ZNF25: variants seen among roughly 807,000 people sequenced by gnomAD.
The protein encoded by ZNF25 is zinc finger protein 25 (KOX 19).
In ZNF25, 21 loss-of-function variants were observed where a neutral mutation model predicts 30.9. The ratio of observed to expected loss-of-function variants is 0.68; its 90% CI spans 0.48 to 0.98. The LOEUF (loss-of-function observed/expected upper bound fraction) is 0.98. Among genes scored for constraint, ZNF25 ranks in the 50% least tolerant of loss-of-function variants. The pLI is 0.00. For synonymous variants in ZNF25, 169 were observed against 181.3 expected (o/e 0.93, Z 0.55); for missense variants, 501 against 529.9 (o/e 0.95, Z 0.54).
At position 37,952,373 on chromosome 10, in the gene ZNF25, A is replaced by T; in HGVS notation, c.1125T>A (p.Cys375Ter). ...CTGAATTCACAGCAAAAGATTTGCC[A>T]CATTCTGTGCATTCATAGGGCTTCT... ...TGEKPYECTE[C>*]GKSFAVNSVL... Residue 375 changes from cysteine (C) to a stop codon, truncating the protein, a stop_gained, in exon 6 of 6, where the codon TGT (cysteine) becomes TGA (stop). Transcript: ENST00000302609. LOFTEE classifies it low-confidence loss of function (END_TRUNC). 1 of 1,614,082 alleles carries T rather than the reference A, an allele frequency of 6.2e-7. No homozygotes were observed. The highest frequency in any genetic ancestry group is 8.5e-7 in the Non-Finnish European group (1 of 1,179,980).
At chr10:37,953,447 T>C (rs1590183582) in intron 5 of ZNF25, 7 of 607,304 alleles carry the variant, frequency 1.2e-5, no homozygotes, top group East Asian at 1.1e-4. Flanking sequence ...CTATTTTGTG[T>C]AATAGAGACT....
chr10:37,953,360 C>T (rs2062299920), intron 5 of ZNF25, 165 bp from the exon 6 acceptor site: 2 of 672,956 alleles, frequency 3.0e-6, no homozygotes, highest in Non-Finnish European at 4.9e-6. Flanking sequence ...ATTCTCTGAC[C>T]TGCACTGTAG....
At chr10:37,968,338 G>A (rs1350064895) in intron 2 of ZNF25, among the ~76,000 whole-genome samples, 2 of 151,100 alleles carry the variant, frequency 1.3e-5, no homozygotes, top group Non-Finnish European at 2.9e-5. Context: ...TTACAGGCAT[G>A]AGCCACTGCA....
chr10:37,950,435 A>C lies in ZNF25; in HGVS notation c.*1692T>G, dbSNP rs1195966875. The stretch of plus-strand genomic sequence containing the variant: ...GGCCAGATCTGTCTGATGGACTGTC[A>C]TTTGTCAAACCCTGACTTAGTGTAG... On this transcript the variant is annotated 3_prime_UTR_variant, in exon 6 of 6. Coordinates refer to ENST00000302609, the MANE Select transcript of ZNF25 (RefSeq NM_145011.4). The C allele has an allele frequency of 2.6e-5, 4 of 152,608 alleles. No homozygotes were observed. The highest frequency in any genetic ancestry group is 5.9e-5 in the Non-Finnish European group (4 of 68,040). The allele number at this position is 152,608 out of a possible 1,614,324, so 9.5% of individuals were successfully genotyped here.
intron 3 of ZNF25, 96 bp from the exon 4 acceptor site, chr10:37,957,211 T>C: frequency 7.3e-7 from 1 of 1,375,266 alleles, no homozygotes; most frequent in Non-Finnish European, 1.0e-6. Context: ...ATAATGAAGG[T>C]TCCAGTTAGG....
At chr10:37,964,025 C>T (rs1361971837) in intron 2 of ZNF25, among the ~76,000 whole-genome samples, 2 of 152,064 alleles carry the variant, frequency 1.3e-5, no homozygotes, top group African/African-American at 4.8e-5. Context: ...CCCCTTATCT[C>T]TCTCTCTTGC....
chr10:37,971,626 ATT>A (rs2063492342), intron 2 of ZNF25, 80 bp downstream of exon 2: 3 of 1,506,786 alleles, frequency 2.0e-6, no homozygotes, highest in Non-Finnish European at 9.0e-7. Flanking sequence ...CATAAAACTC[ATT>A]AAACACACAC....
At chr10:37,970,710 T>C (rs1208549452) in intron 2 of ZNF25, among the ~76,000 whole-genome samples, 1 of 152,160 alleles carries the variant, frequency 6.6e-6, no homozygotes, top group Non-Finnish European at 1.5e-5. Context: ...CCTCTTACCA[T>C]TCTTTCCCTA....
chr10:37,959,197 A>G (rs2062710915), intron 2 of ZNF25, among the ~76,000 whole-genome samples: 1 of 152,172 alleles, frequency 6.6e-6, no homozygotes, highest in Admixed American at 6.5e-5. Context: ...AGAAACCAGG[A>G]GCCACTGAAG....
chr10:37,959,186 T>C (rs1237506049), intron 2 of ZNF25, among the ~76,000 whole-genome samples: 1 of 151,920 alleles, frequency 6.6e-6, no homozygotes, highest in Non-Finnish European at 1.5e-5. Context: ...GATGAAAATA[T>C]AGAAACCAGG....
rs752570691 is a variant in ZNF25, at chr10:37,952,556, A to G, written c.942T>C (p.Tyr314=). 1 of 1,613,812 alleles carries G rather than the reference A, an allele frequency of 6.2e-7. No homozygotes were observed. Among genetic ancestry groups the G allele is most frequent in the Non-Finnish European group, 8.5e-7 (1 of 1,179,938 alleles). ...HQRSHTGEKP[Y]ECKECRKCFY... is the part of the protein sequence containing the mutation. Reference sequence around the variant, plus strand: ...AGCATTTCCTACATTCCTTACATTCATAGGGTTTCTCTCCTGTGTGACTTC... The same window carrying G: ...AGCATTTCCTACATTCCTTACATTCGTAGGGTTTCTCTCCTGTGTGACTTC... The change falls in exon 6 of 6, where the codon TAT becomes TAC. Residue 314 remains tyrosine, a synonymous_variant. Transcript: ENST00000302609.
At chr10:37,970,673 C>T in intron 2 of ZNF25, among the ~76,000 whole-genome samples, 1 of 152,110 alleles carries the variant, frequency 6.6e-6, no homozygotes, top group East Asian at 1.9e-4. Flanking sequence ...CATACATATT[C>T]TAGCTTCCTC....
chr10:37,953,631 T>C, intron 5 of ZNF25, 64 bp downstream of exon 5: 1 of 1,494,694 alleles, frequency 6.7e-7, no homozygotes, highest in African/African-American at 1.4e-5. Context: ...CTCCCATTTC[T>C]AGTAACTCCT....
At chr10:37,974,804 C>T (rs1242916321) in intron 1 of ZNF25, among the ~76,000 whole-genome samples, 1 of 152,166 alleles carries the variant, frequency 6.6e-6, no homozygotes, top group African/African-American at 2.4e-5. Flanking sequence ...GAAGATATCT[C>T]TGCACTCCCA....
chr10:37,965,464 A>G (rs1228356323), intron 2 of ZNF25, among the ~76,000 whole-genome samples: 3 of 152,262 alleles, frequency 2.0e-5, no homozygotes, highest in African/African-American at 7.2e-5. Context: ...AGAAACTGTG[A>G]AAGCCAAAAG....
At chr10:37,968,477 T>C (rs904123927) in intron 2 of ZNF25, among the ~76,000 whole-genome samples, 2 of 151,920 alleles carry the variant, frequency 1.3e-5, no homozygotes, top group African/African-American at 4.8e-5. Context: ...TGCCTCAGCC[T>C]CCCAAGTAGC....
chr10:37,966,650 C>G (rs1276892968), intron 2 of ZNF25, among the ~76,000 whole-genome samples: 1 of 152,114 alleles, frequency 6.6e-6, no homozygotes, highest in Non-Finnish European at 1.5e-5. Context: ...AACTCACTCA[C>G]TATCTCAAGA....
intron 2 of ZNF25, among the ~76,000 whole-genome samples, chr10:37,959,542 T>A (rs1197932505): frequency 2.0e-5 from 3 of 152,190 alleles, no homozygotes; most frequent in Non-Finnish European, 4.4e-5. Context: ...TTATACTCCA[T>A]GAAATCTGAA....
chr10:37,957,400 C>A lies in ZNF25; in HGVS notation c.142+20G>T. 6.2e-7 allele frequency: 1 copy of A among 1,609,118 alleles called. No individual in the cohort carries two copies. The highest frequency in any genetic ancestry group is 8.5e-7 in the Non-Finnish European group (1 of 1,177,518). Reference sequence around the variant, plus strand: ...TAGATGCAAACTACTGGGATTTACACCTGGGGAAGTTTTCCTCACCCACTG... The same window carrying A: ...TAGATGCAAACTACTGGGATTTACAACTGGGGAAGTTTTCCTCACCCACTG... On this transcript the variant is annotated intron_variant, in intron 3 of 5. Coordinates refer to ENST00000302609, the MANE Select transcript of ZNF25 (RefSeq NM_145011.4).
Sources: gnomAD v4.1 joint callset for allele counts (sites outside exome capture counted in the v4.1 genomes callset) on GRCh38, gnomAD v4.1.1 for gene constraint, MANE v1.5 for transcripts, NCBI Gene and HGNC (gene_info 2026-07-23, HGNC 2026-07-21) for gene names.